RUNX1: variants seen among roughly 807,000 people sequenced by gnomAD.
RUNX1 encodes runt-related transcription factor 1.
Under a neutral mutation model 42.8 loss-of-function variants are expected in RUNX1, and 19 were observed. The observed-to-expected ratio is 0.44, with a 90% CI of 0.31 to 0.65. RUNX1 has a LOEUF of 0.65. Ranked by LOEUF, RUNX1 falls within the 30% of genes least tolerant of loss-of-function variation. The pLI is 0.07. For missense variants in RUNX1, 528 were observed against 672.0 expected (o/e 0.79, Z 2.37); for synonymous variants, 271 against 289.4 (o/e 0.94, Z 0.64).
At chr21:34,796,506 C>A (rs550633357) in intron 8 of RUNX1, among the ~76,000 whole-genome samples, 105 of 152,264 alleles carry the variant, frequency 6.9e-4, no homozygotes, top group African/African-American at 2.4e-3. Context: ...GAGTTGGGAT[C>A]CCCTGATATT....
At chr21:35,035,756 C>T (rs760296418) in intron 2 of RUNX1, among the ~76,000 whole-genome samples, 6 of 152,308 alleles carry the variant, frequency 3.9e-5, no homozygotes, top group South Asian at 2.1e-4. Flanking sequence ...TCTCGTTTGA[C>T]GCGGACTCCA....
chr21:34,826,257 G>C (rs2056985578), intron 7 of RUNX1, among the ~76,000 whole-genome samples: 1 of 152,202 alleles, frequency 6.6e-6, no homozygotes, highest in African/African-American at 2.4e-5. Context: ...ATGTGAGTGG[G>C]TTATTGGTGA....
chr21:34,837,746 C>G (rs2057169210), intron 6 of RUNX1, among the ~76,000 whole-genome samples: 1 of 152,168 alleles, frequency 6.6e-6, no homozygotes, highest in Non-Finnish European at 1.5e-5. Flanking sequence ...GCTCTGAACA[C>G]CTGCATGCTG....
At chr21:35,037,218 A>G (rs2059314881) in intron 2 of RUNX1, among the ~76,000 whole-genome samples, 1 of 152,200 alleles carries the variant, frequency 6.6e-6, no homozygotes, top group African/African-American at 2.4e-5. Flanking sequence ...GGAAGAAGGC[A>G]TAGCAGTGGT....
intron 2 of RUNX1, among the ~76,000 whole-genome samples, chr21:35,012,866 G>T (rs148581530): frequency 1.3e-5 from 2 of 152,086 alleles, no homozygotes; most frequent in Non-Finnish European, 2.9e-5. Context: ...TAAAATGTCA[G>T]ACAATAAATA....
Position 34,958,763 on chromosome 21 carries a change from C to T in RUNX1, c.59-65800G>A, listed in dbSNP as rs1031326555. 3.4e-4 allele frequency among the ~76,000 whole-genome samples: 52 copies of T among 151,062 alleles called. 1 individual carries two copies. The highest frequency in any genetic ancestry group is 2.5e-3 in the Admixed American group (38 of 15,152). Reference sequence around the variant, plus strand: ...GACACATGCACACGTATGTTTATTGCGGCACTATTCACAATAGCAAAGACT... The same window carrying T: ...GACACATGCACACGTATGTTTATTGTGGCACTATTCACAATAGCAAAGACT... On this transcript the variant is annotated intron_variant, in intron 2 of 8. Coordinates refer to ENST00000675419, the MANE Select transcript of RUNX1 (RefSeq NM_001754.5).
chr21:35,047,549 A>ACTCTCTCTCTCT (rs1262198638), intron 2 of RUNX1, among the ~76,000 whole-genome samples: 70 of 107,618 alleles, frequency 6.5e-4, no homozygotes, highest in East Asian at 4.3e-3. Context: ...ACACACACAC[A>ACTCTCTCTCTCT]CACACACACA....
chr21:34,931,830 A>G lies in RUNX1; in HGVS notation c.59-38867T>C, dbSNP rs534239080. On this transcript the variant is annotated intron_variant, in intron 2 of 8. Transcript: ENST00000675419. The stretch of plus-strand genomic sequence containing the variant: ...ATAAAGAATGAAGCTTGTGGAGGGG[A>G]CAGTGGGAGATAGGGCTGCGTAGAG... 3.3e-5 allele frequency among the ~76,000 whole-genome samples: 5 copies of G among 151,764 alleles called. No homozygotes were observed. In the South Asian group the frequency reaches 8.3e-4, roughly 25 times the overall value.
chr21:34,864,009 C>T (rs905861249), intron 5 of RUNX1, among the ~76,000 whole-genome samples: 1 of 152,216 alleles, frequency 6.6e-6, no homozygotes, highest in Admixed American at 6.5e-5. Flanking sequence ...CATTTTTCCA[C>T]AGCACGAAAA....
At chr21:34,927,854 G>C (rs1601579957) in intron 2 of RUNX1, among the ~76,000 whole-genome samples, 1 of 152,332 alleles carries the variant, frequency 6.6e-6, no homozygotes, top group East Asian at 1.9e-4. Context: ...GGATGGACCA[G>C]CGAGTTAGCT....
intron 2 of RUNX1, among the ~76,000 whole-genome samples, chr21:35,001,099 A>G (rs2059038554): frequency 6.6e-6 from 1 of 152,126 alleles, no homozygotes; most frequent in African/African-American, 2.4e-5. Flanking sequence ...CCAGTCATCG[A>G]CTAATGCTGG....
At chr21:35,048,549 C>A (rs991611459) in intron 2 of RUNX1, among the ~76,000 whole-genome samples, 1 of 152,228 alleles carries the variant, frequency 6.6e-6, no homozygotes, top group African/African-American at 2.4e-5. Context: ...AATCTCTAAG[C>A]CTTTAAACAA....
At chr21:34,898,447 T>C (rs1303950416) in intron 2 of RUNX1, among the ~76,000 whole-genome samples, 1 of 152,174 alleles carries the variant, frequency 6.6e-6, no homozygotes, top group Non-Finnish European at 1.5e-5. Context: ...TCTCCCTATT[T>C]CTGGAGCTCA....
At chr21:34,850,352 C>G (rs1295007271) in intron 6 of RUNX1, among the ~76,000 whole-genome samples, 1 of 152,212 alleles carries the variant, frequency 6.6e-6, no homozygotes, top group Non-Finnish European at 1.5e-5. Flanking sequence ...CAGTGCTGGT[C>G]ACTGATTTAG....
intron 7 of RUNX1, among the ~76,000 whole-genome samples, chr21:34,825,881 A>G (rs2056979949): frequency 6.6e-6 from 1 of 152,240 alleles, no homozygotes; most frequent in Non-Finnish European, 1.5e-5. Context: ...GGGAAGAAGA[A>G]GTTGGAATGA....
chr21:35,041,592 A>G (rs1318386956), intron 2 of RUNX1, among the ~76,000 whole-genome samples: 2 of 152,172 alleles, frequency 1.3e-5, no homozygotes, highest in African/African-American at 4.8e-5. Flanking sequence ...GAAATTTCTA[A>G]TTTCAAGAGA....
intron 2 of RUNX1, among the ~76,000 whole-genome samples, chr21:34,973,225 A>C (rs1268576214): frequency 6.6e-6 from 1 of 152,178 alleles, no homozygotes; most frequent in Non-Finnish European, 1.5e-5. Context: ...ACATCTCTAA[A>C]AGATAGTCCC....
chr21:35,046,262 G>A (rs2059395314), intron 2 of RUNX1, among the ~76,000 whole-genome samples: 2 of 152,148 alleles, frequency 1.3e-5, no homozygotes, highest in Non-Finnish European at 2.9e-5. Flanking sequence ...CTCAGACTCC[G>A]GCTTGCCTCT....
At chr21:34,914,015 C>T (rs1318156969) in intron 2 of RUNX1, among the ~76,000 whole-genome samples, 1 of 152,208 alleles carries the variant, frequency 6.6e-6, no homozygotes, top group Admixed American at 6.5e-5. Flanking sequence ...AAATAACCTA[C>T]TGTTACTCAA....
Sources: gnomAD v4.1 joint callset for allele counts (sites outside exome capture counted in the v4.1 genomes callset) on GRCh38, gnomAD v4.1.1 for gene constraint, MANE v1.5 for transcripts, NCBI Gene and HGNC (gene_info 2026-07-23, HGNC 2026-07-21) for gene names.